Variants in CNTNAP2 observed in about 807,000 individuals in gnomAD.
CNTNAP2 encodes contactin-associated protein-like 2.
CNTNAP2 carries 98 observed loss-of-function variants against 155.2 expected under a neutral mutation model. The ratio of observed to expected loss-of-function variants is 0.63; its 90% CI spans 0.54 to 0.75. The LOEUF is 0.75. CNTNAP2 is among the 30% of genes least tolerant of loss of function. The pLI is 0.00. For missense variants in CNTNAP2, 1,727 were observed against 1,688.1 expected, an observed-to-expected ratio of 1.02 and a Z score of -0.40; for synonymous variants, 651 against 631.2, an observed-to-expected ratio of 1.03 and a Z score of -0.47.
chr7:146,375,342 A>G (rs2129103584), intron 1 of CNTNAP2, among the ~76,000 whole-genome samples: 1 of 152,350 alleles, frequency 6.6e-6, no homozygotes, highest in Middle Eastern at 3.4e-3. Flanking sequence ...CTGCAGAGAC[A>G]TGCGGAGACC....
chr7:146,289,250 A>G (rs565033426), intron 1 of CNTNAP2, among the ~76,000 whole-genome samples: 2 of 152,188 alleles, frequency 1.3e-5, no homozygotes, highest in Admixed American at 1.3e-4. Flanking sequence ...ATTTAAATGA[A>G]CAAAGTTAAG....
chr7:147,167,499 C>T, intron 8 of CNTNAP2: 1 of 878,798 alleles, frequency 1.1e-6, no homozygotes, highest in Non-Finnish European at 1.8e-6. Context: ...TGCCATGGAC[C>T]CAGCTTTGAC....
At chr7:147,711,895 G>A (rs1040868079) in intron 13 of CNTNAP2, among the ~76,000 whole-genome samples, 1 of 152,082 alleles carries the variant, frequency 6.6e-6, no homozygotes, top group Non-Finnish European at 1.5e-5. Flanking sequence ...TGAAAATACT[G>A]CTTTTTTATG....
chr7:146,610,240 G>A (rs1002806632), intron 1 of CNTNAP2, among the ~76,000 whole-genome samples: 2 of 152,122 alleles, frequency 1.3e-5, no homozygotes, highest in South Asian at 2.1e-4. Flanking sequence ...GATTATTCTC[G>A]TGTAGTCGTC....
At position 147,684,687 on chromosome 7, in the gene CNTNAP2, C is replaced by G. The variant is rs930610605; in HGVS notation, c.2098+45381C>G. 9.2e-5 allele frequency among the ~76,000 whole-genome samples: 14 copies of G among 151,832 alleles called. No homozygotes were observed. In the South Asian group the frequency reaches 2.5e-3, roughly 27 times the overall value. On this transcript the variant is annotated intron_variant, in intron 13 of 23. Transcript: ENST00000361727. ...ATAATAATGTTAACTGCATCATGCT[C>G]TAGTCTAAGCTTCAAGAAATTGGTA... is the stretch of plus-strand genomic sequence containing the variant.
At chr7:147,978,122 G>T in intron 15 of CNTNAP2, 133 bp downstream of exon 15, 1 of 1,273,438 alleles carries the variant, frequency 7.9e-7, no homozygotes, top group South Asian at 1.3e-5. Flanking sequence ...AACCCAAGCA[G>T]AGATAACTTA....
At chr7:146,956,398 A>G (rs896401473) in intron 3 of CNTNAP2, among the ~76,000 whole-genome samples, 7 of 152,120 alleles carry the variant, frequency 4.6e-5, no homozygotes, top group African/African-American at 1.7e-4. Flanking sequence ...TCACTACATC[A>G]CTTGAAGTTT....
At chr7:147,572,996 C>T (rs1313654644) in intron 12 of CNTNAP2, among the ~76,000 whole-genome samples, 1 of 152,158 alleles carries the variant, frequency 6.6e-6, no homozygotes, top group Non-Finnish European at 1.5e-5. Flanking sequence ...GCTAATCTCT[C>T]TTTTTATCTT....
intron 10 of CNTNAP2, among the ~76,000 whole-genome samples, chr7:147,420,900 C>T (rs1254074424): frequency 2.6e-5 from 4 of 152,060 alleles, no homozygotes; most frequent in Non-Finnish European, 4.4e-5. Context: ...TCGGAGAATA[C>T]AAAATTTTTG....
intron 8 of CNTNAP2, among the ~76,000 whole-genome samples, chr7:147,152,946 G>A (rs1801854821): frequency 6.6e-6 from 1 of 152,098 alleles, no homozygotes; most frequent in African/African-American, 2.4e-5. Context: ...TTTTCCATTG[G>A]TTCATGCTGG....
At chr7:147,288,620 C>T (rs1227635871) in intron 8 of CNTNAP2, among the ~76,000 whole-genome samples, 1 of 152,182 alleles carries the variant, frequency 6.6e-6, no homozygotes, top group African/African-American at 2.4e-5. Flanking sequence ...ATCAAAGTAA[C>T]GAGAGTAGTT....
chr7:146,787,708 C>T (rs1037348650), intron 2 of CNTNAP2, among the ~76,000 whole-genome samples: 9 of 152,184 alleles, frequency 5.9e-5, no homozygotes, highest in African/African-American at 2.2e-4. Context: ...TGCTTTTCTT[C>T]CCTTATCTGG....
chr7:146,183,075 G>A (rs1029822134), intron 1 of CNTNAP2, among the ~76,000 whole-genome samples: 1 of 152,180 alleles, frequency 6.6e-6, no homozygotes, highest in Non-Finnish European at 1.5e-5. Context: ...TCTTGGAATG[G>A]TATTTTTGGA....
At chr7:147,711,949 G>A (rs936624529) in intron 13 of CNTNAP2, among the ~76,000 whole-genome samples, 1 of 152,104 alleles carries the variant, frequency 6.6e-6, no homozygotes, top group African/African-American at 2.4e-5. Context: ...GTTATAAAAA[G>A]ACTGTAATCT....
At chr7:147,352,183 A>G (rs961728026) in intron 9 of CNTNAP2, among the ~76,000 whole-genome samples, 1 of 151,960 alleles carries the variant, frequency 6.6e-6, no homozygotes, top group Admixed American at 6.6e-5. Flanking sequence ...ATATGTATAT[A>G]ATTTATAACA....
chr7:146,150,191 A>G (rs1798016689), intron 1 of CNTNAP2, among the ~76,000 whole-genome samples: 1 of 152,172 alleles, frequency 6.6e-6, no homozygotes, highest in African/African-American at 2.4e-5. Flanking sequence ...GTAAATTAAA[A>G]GCAAAATCAA....
At chr7:148,214,327 C>T (rs1795600819) in intron 18 of CNTNAP2, among the ~76,000 whole-genome samples, 1 of 152,174 alleles carries the variant, frequency 6.6e-6, no homozygotes, top group Non-Finnish European at 1.5e-5. Context: ...AGATGGGGTT[C>T]TCATCACATA....
At chr7:148,408,902 A>T (rs768858448) in intron 22 of CNTNAP2, among the ~76,000 whole-genome samples, 1 of 152,214 alleles carries the variant, frequency 6.6e-6, no homozygotes. Flanking sequence ...ACAAATTCCT[A>T]AAGTGTGCCA....
intron 18 of CNTNAP2, among the ~76,000 whole-genome samples, chr7:148,183,369 T>G (rs1249396434): frequency 6.6e-6 from 1 of 152,058 alleles, no homozygotes; most frequent in Non-Finnish European, 1.5e-5. Context: ...GGAAAACATA[T>G]ATCATTAAAG....
Sources: gnomAD v4.1 joint callset for allele counts (sites outside exome capture counted in the v4.1 genomes callset) on GRCh38, gnomAD v4.1.1 for gene constraint, MANE v1.5 for transcripts, NCBI Gene and HGNC (gene_info 2026-07-23, HGNC 2026-07-21) for gene names.